EPB41: variants seen among roughly 807,000 people sequenced by gnomAD.
EPB41 encodes the protein erythrocyte membrane protein band 4.1.
In EPB41, 65 loss-of-function variants were observed where a neutral mutation model predicts 108.0. The ratio of observed to expected loss-of-function variants is 0.60; its 90% CI spans 0.49 to 0.74. The LOEUF (loss-of-function observed/expected upper bound fraction) is 0.74, where lower values mean the gene tolerates loss of function less well. Among genes scored for constraint, EPB41 ranks in the 30% least tolerant of loss-of-function variants. The pLI, the probability that EPB41 is intolerant of heterozygous loss-of-function variation, is 0.00. For missense variants in EPB41, 875 were observed against 1,037.0 expected, an observed-to-expected ratio of 0.84 and a Z score of 2.15; for synonymous variants, 336 against 358.9, an observed-to-expected ratio of 0.94 and a Z score of 0.72.
At position 29,018,249 on chromosome 1, in the gene EPB41, C is replaced by G. The variant is rs374995778; in HGVS notation, c.931C>G (p.Gln311Glu). The G allele has an allele frequency of 1.2e-6, 2 of 1,613,912 alleles. No homozygotes were observed. Among genetic ancestry groups the G allele is most frequent in the African/African-American group, 2.7e-5 (2 of 74,874 alleles). Residue 311 changes from glutamine (Q) to glutamate (E), a missense_variant, in exon 7 of 21, where the codon CAG (glutamine) becomes GAG (glutamate). Physicochemically the swap from Gln to Glu is conservative, Grantham distance 29. Coordinates refer to ENST00000343067, the MANE Select transcript of EPB41 (RefSeq NM_001376013.1). The surrounding 1 kb of genome is among the most constrained non-coding windows in gnomAD (Gnocchi z 4.4). ...TRYYLCLQLR[Q>E]DIVAGRLPCS... ...ATATTATTTATGTCTTCAGCTTCGG[C>G]AGGACATAGTTGCAGGACGTCTGCC...
intron 1 of EPB41, among the ~76,000 whole-genome samples, chr1:28,922,455 C>A (rs1042425332): frequency 4.0e-5 from 6 of 151,782 alleles, no homozygotes; most frequent in Non-Finnish European, 8.8e-5. Flanking sequence ...TCTTTTTATC[C>A]TCTGTCTCAT....
intron 16 of EPB41, among the ~76,000 whole-genome samples, chr1:29,082,741 C>G (rs1024570414): frequency 2.0e-5 from 3 of 152,166 alleles, no homozygotes; most frequent in Non-Finnish European, 4.4e-5. Context: ...CTCATTTGAT[C>G]TGTGGAGTCC....
chr1:29,051,789 T>C (rs1011753120), intron 11 of EPB41, among the ~76,000 whole-genome samples: 4 of 151,688 alleles, frequency 2.6e-5, no homozygotes, highest in African/African-American at 9.7e-5. Flanking sequence ...TCCCAGCTAC[T>C]GGGGAGGCTG....
rs1396668231 is a variant in EPB41, at chr1:29,058,809, A to G, written c.1903-2A>G. ...TTTCTTTTTTAAATTATGGCAAAACAGAAGCTTGCAGAAAAAACTGAAGAT... is the reference window on the plus strand; with the variant it reads ...TTTCTTTTTTAAATTATGGCAAAACGGAAGCTTGCAGAAAAAACTGAAGAT... On this transcript the variant is annotated splice_acceptor_variant, in intron 13 of 20. Transcript: ENST00000343067. LOFTEE classifies it high-confidence loss of function. The G allele has an allele frequency of 6.5e-7, 1 of 1,547,490 alleles. No individual in the cohort carries two copies. The highest frequency in any genetic ancestry group is 8.7e-7 in the Non-Finnish European group (1 of 1,145,840).
At chr1:29,106,584 T>TTTTTC (rs1667253452) in intron 17 of EPB41, among the ~76,000 whole-genome samples, 2 of 132,338 alleles carry the variant, frequency 1.5e-5, no homozygotes, top group Non-Finnish European at 3.2e-5. Context: ...TTTTTTTTTT[T>TTTTTC]TTTTTTTGAG....
At chr1:29,041,426 G>A (rs1385926636) in intron 11 of EPB41, 2 of 152,208 alleles carry the variant, frequency 1.3e-5, no homozygotes, top group South Asian at 2.1e-4. Flanking sequence ...GTTGCAGTGA[G>A]CTGAGATGGC....
chr1:29,107,942 T>G (rs540745838), intron 17 of EPB41, among the ~76,000 whole-genome samples: 1 of 148,852 alleles, frequency 6.7e-6, no homozygotes, highest in African/African-American at 2.5e-5. Flanking sequence ...GGCAGGAGAA[T>G]TGCTTAAACC....
intron 1 of EPB41, among the ~76,000 whole-genome samples, chr1:28,897,724 C>T (rs894531538): frequency 1.4e-4 from 21 of 152,030 alleles, no homozygotes; most frequent in Non-Finnish European, 2.4e-4. Flanking sequence ...ACTCCCATCA[C>T]TCCCTCTCTC....
chr1:28,956,075 G>A (rs2094937406), intron 1 of EPB41, among the ~76,000 whole-genome samples: 1 of 152,224 alleles, frequency 6.6e-6, no homozygotes, highest in Non-Finnish European at 1.5e-5. Context: ...GTAAGAGAAA[G>A]GGATGAATCA....
In EPB41 at chr1:28,901,219, GCA is replaced by G. The variant is rs1557621472; in HGVS notation, c.-8+14011_-8+14012del. ...GCTGGGATTACAGGCGTGAGCCACT[GCA>G]CCCGGCTATTTATTTACTTTTTGAG... On this transcript the variant is annotated intron_variant, in intron 1 of 16. Transcript: ENST00000347529. Among the ~76,000 whole-genome samples the G allele has an allele frequency of 8.1e-5, 10 of 123,212 alleles. 1 individual carries two copies. The highest frequency in any genetic ancestry group is 2.7e-4 in the South Asian group (1 of 3,680). 80.8% of individuals were successfully genotyped at this position (123,212 alleles called of 152,430 possible).
intron 17 of EPB41, 73 bp from the exon 18 acceptor site, chr1:29,109,263 G>A: frequency 8.8e-7 from 1 of 1,140,024 alleles, no homozygotes. Context: ...CAGCTGAAGA[G>A]CAAAGCTGCA....
chr1:29,057,830 A>G (rs1017307638), intron 12 of EPB41, among the ~76,000 whole-genome samples: 5 of 152,156 alleles, frequency 3.3e-5, no homozygotes, highest in East Asian at 3.8e-4. Context: ...CCTTTCTGCT[A>G]TTAATATCAA....
chr1:28,935,477 C>CA (rs2093981154), intron 1 of EPB41, among the ~76,000 whole-genome samples: 1 of 31,570 alleles, frequency 3.2e-5, no homozygotes, highest in African/African-American at 1.1e-4. Flanking sequence ...ACCCCCCCCC[C>CA]CCCAAGATCT....
At chr1:29,058,668 T>C (rs1427459764) in intron 13 of EPB41, 23 bp downstream of exon 13, 2 of 1,609,774 alleles carry the variant, frequency 1.2e-6, no homozygotes, top group Admixed American at 3.3e-5. Flanking sequence ...AGGCCACTTG[T>C]TCCTCTTTCC....
intron 1 of EPB41, among the ~76,000 whole-genome samples, chr1:28,950,628 T>C (rs1293526307): frequency 1.3e-5 from 2 of 152,254 alleles, no homozygotes; most frequent in Admixed American, 1.3e-4. Context: ...TCTCCCTTCT[T>C]GCTTAGAACA....
intron 16 of EPB41, among the ~76,000 whole-genome samples, chr1:29,093,910 A>G (rs1662250886): frequency 1.3e-5 from 2 of 152,144 alleles, no homozygotes; most frequent in Non-Finnish European, 2.9e-5. Flanking sequence ...GTCTCCAAAT[A>G]TATATGTATA....
At chr1:29,016,267 C>T (rs1401043682) in intron 6 of EPB41, among the ~76,000 whole-genome samples, 5 of 152,118 alleles carry the variant, frequency 3.3e-5, no homozygotes, top group Admixed American at 3.3e-4. Context: ...CCTCAGCCTC[C>T]TGGGTTCGAG....
At chr1:28,943,694 A>C (rs2094387704) in intron 1 of EPB41, among the ~76,000 whole-genome samples, 2 of 152,104 alleles carry the variant, frequency 1.3e-5, no homozygotes, top group South Asian at 4.1e-4. Context: ...AGAAGCTTAC[A>C]TCCAAGACAA....
chr1:29,051,373 ACAGGTGTG>A (rs1644491482), intron 11 of EPB41, among the ~76,000 whole-genome samples: 1 of 151,742 alleles, frequency 6.6e-6, no homozygotes, highest in African/African-American at 2.4e-5. Context: ...TGCTGGGATT[ACAGGTGTG>A]AGCCACCGTG....
Sources: gnomAD v4.1 joint callset for allele counts (sites outside exome capture counted in the v4.1 genomes callset) on GRCh38, gnomAD v4.1.1 for gene constraint, Gnocchi (gnomAD v3.1) non-coding constraint, MANE v1.5 for transcripts, NCBI Gene and HGNC (gene_info 2026-07-23, HGNC 2026-07-21) for gene names.